ATG5: variants seen among roughly 807,000 people sequenced by gnomAD.
ATG5 encodes autophagy protein 5.
Under a neutral mutation model 36.5 loss-of-function variants are expected in ATG5, and 14 were observed. The ratio of observed to expected loss-of-function variants is 0.38; its 90% confidence interval spans 0.25 to 0.60. The LOEUF (loss-of-function observed/expected upper bound fraction) is 0.60, where lower values mean the gene tolerates loss of function less well. Ranked by LOEUF, ATG5 falls within the 20% of genes least tolerant of loss-of-function variation. The pLI is 0.60. For missense variants in ATG5, 195 were observed against 326.7 expected (o/e 0.60, Z 3.11); for synonymous variants, 95 against 101.5 (o/e 0.94, Z 0.38).
chr6:106,219,176 A>T (rs1777150359), intron 6 of ATG5, among the ~76,000 whole-genome samples: 1 of 152,152 alleles, frequency 6.6e-6, no homozygotes, highest in Non-Finnish European at 1.5e-5. Flanking sequence ...ATTTAGACAA[A>T]ATGTTAAGAG....
At chr6:106,241,140 G>A (rs1374512954) in intron 6 of ATG5, among the ~76,000 whole-genome samples, 1 of 152,140 alleles carries the variant, frequency 6.6e-6, no homozygotes, top group African/African-American at 2.4e-5. Context: ...GTGACAGAAC[G>A]AGACTCTGTC....
chr6:106,308,301 G>T (rs1770526452), intron 3 of ATG5, 63 bp downstream of exon 3: 2 of 1,374,094 alleles, frequency 1.5e-6, no homozygotes, highest in South Asian at 1.8e-5. Context: ...TTGTTTCAGG[G>T]CACTATACCT....
intron 4 of ATG5, among the ~76,000 whole-genome samples, chr6:106,282,009 T>C (rs75144958): frequency 0.012 from 1,894 of 152,348 alleles, 37 homozygotes; most frequent in African/African-American, 0.042. Flanking sequence ...TAAAAGCAAC[T>C]AATAGAGAAC....
intron 6 of ATG5, 147 bp downstream of exon 6, chr6:106,248,003 T>G (rs1778414719): frequency 1.7e-6 from 1 of 573,636 alleles, no homozygotes; most frequent in Non-Finnish European, 3.1e-6. Flanking sequence ...GGTATCTGAC[T>G]TGATTGCCAC....
intron 5 of ATG5, among the ~76,000 whole-genome samples, chr6:106,261,684 G>T (rs1779025816): frequency 6.6e-6 from 1 of 152,214 alleles, no homozygotes; most frequent in South Asian, 2.1e-4. Context: ...TAGAGTAGTG[G>T]TTCTCCTAAG....
intron 3 of ATG5, among the ~76,000 whole-genome samples, chr6:106,294,028 C>A (rs1444358168): frequency 3.3e-5 from 5 of 151,764 alleles, no homozygotes; most frequent in Non-Finnish European, 5.9e-5. Context: ...TTGAGCATCA[C>A]AAATCTGAAA....
intron 6 of ATG5, among the ~76,000 whole-genome samples, chr6:106,209,978 A>C (rs1256521982): frequency 6.6e-6 from 1 of 152,214 alleles, no homozygotes; most frequent in Non-Finnish European, 1.5e-5. Flanking sequence ...GCATATTGGA[A>C]TTCCTGAATT....
At chr6:106,228,402 G>A (rs1278892219) in intron 6 of ATG5, among the ~76,000 whole-genome samples, 2 of 152,122 alleles carry the variant, frequency 1.3e-5, no homozygotes, top group Admixed American at 6.5e-5. Context: ...GTTCCTACGC[G>A]GCTAAGTGCC....
intron 3 of ATG5, among the ~76,000 whole-genome samples, chr6:106,306,045 T>C (rs1243779942): frequency 2.0e-5 from 3 of 152,174 alleles, no homozygotes; most frequent in Admixed American, 2.0e-4. Context: ...GTGGAAGTGA[T>C]ATAACACATA....
At chr6:106,242,651 T>C (rs1778175168) in intron 6 of ATG5, among the ~76,000 whole-genome samples, 1 of 152,092 alleles carries the variant, frequency 6.6e-6, no homozygotes, top group African/African-American at 2.4e-5. Flanking sequence ...CTCAAGCAAC[T>C]TACATTCACC....
chr6:106,324,150 G>A (rs560265407), intron 1 of ATG5, among the ~76,000 whole-genome samples: 8 of 151,742 alleles, frequency 5.3e-5, no homozygotes, highest in African/African-American at 1.7e-4. Context: ...TGGGTTCTTC[G>A]TCCTTGTATT....
At chr6:106,255,122 G>A (rs919547951) in intron 5 of ATG5, among the ~76,000 whole-genome samples, 1 of 152,154 alleles carries the variant, frequency 6.6e-6, no homozygotes, top group Non-Finnish European at 1.5e-5. Flanking sequence ...ATCATGTAAC[G>A]GTGGGAATAA....
chr6:106,251,652 G>A (rs1004969119), intron 5 of ATG5, among the ~76,000 whole-genome samples: 5 of 76,106 alleles, frequency 6.6e-5, no homozygotes, highest in Non-Finnish European at 1.2e-4. Flanking sequence ...AGAGAGGGAG[G>A]GAGGGAGGAA....
At chr6:106,285,166 G>A (rs1370081528) in intron 4 of ATG5, among the ~76,000 whole-genome samples, 1 of 152,126 alleles carries the variant, frequency 6.6e-6, no homozygotes, top group Admixed American at 6.5e-5. Flanking sequence ...TGAGTTCAAA[G>A]AACCTTACTT....
chr6:106,191,875 G>A (rs373513992), intron 7 of ATG5, among the ~76,000 whole-genome samples: 2 of 152,146 alleles, frequency 1.3e-5, no homozygotes, highest in Admixed American at 6.5e-5. Context: ...TTTAGTACTA[G>A]ATATATCAAA....
intron 6 of ATG5, among the ~76,000 whole-genome samples, chr6:106,243,364 A>G (rs1470928790): frequency 1.3e-5 from 2 of 152,152 alleles, no homozygotes; most frequent in Non-Finnish European, 2.9e-5. Flanking sequence ...TTCCAAAGAC[A>G]AGTAGGAAAT....
chr6:106,299,571 T>C (rs1167648278), intron 3 of ATG5, among the ~76,000 whole-genome samples: 1 of 152,252 alleles, frequency 6.6e-6, no homozygotes, highest in African/African-American at 2.4e-5. Context: ...TTTGTTCTTT[T>C]TCTTCTTTAC....
intron 6 of ATG5, among the ~76,000 whole-genome samples, chr6:106,241,407 G>C (rs1171381752): frequency 1.3e-5 from 2 of 152,086 alleles, no homozygotes; most frequent in Non-Finnish European, 2.9e-5. Flanking sequence ...AATGTAAAGT[G>C]GTACAGCTAC....
chr6:106,321,927 A>G (rs1477737774), intron 1 of ATG5, among the ~76,000 whole-genome samples: 1 of 152,204 alleles, frequency 6.6e-6, no homozygotes, highest in Non-Finnish European at 1.5e-5. Context: ...GGAAAAATAT[A>G]TAAATATATG....
Sources: allele counts gnomAD v4.1 joint callset (sites outside exome capture counted in the v4.1 genomes callset), GRCh38; gene constraint gnomAD v4.1.1; transcripts MANE v1.5; gene names NCBI Gene and HGNC (gene_info 2026-07-23, HGNC 2026-07-21).